CNGB1: variants seen among roughly 807,000 people sequenced by gnomAD.
CNGB1 encodes the protein cyclic nucleotide gated channel subunit beta 1.
CNGB1 carries 126 observed loss-of-function variants against 151.7 expected under a neutral mutation model. The ratio of observed to expected loss-of-function variants is 0.83; its 90% CI spans 0.72 to 0.96. The LOEUF (loss-of-function observed/expected upper bound fraction) is 0.96, where lower values mean the gene tolerates loss of function less well. Ranked by LOEUF, CNGB1 falls within the 40% of genes least tolerant of loss-of-function variation. The probability of loss-of-function intolerance (pLI) is 0.00; values close to 1 mark genes in which losing one functional copy is unlikely to be tolerated. For missense variants in CNGB1, 1,698 were observed against 1,627.0 expected (o/e 1.04, Z -0.75); for synonymous variants, 623 against 635.1 (o/e 0.98, Z 0.29).
chr16:57,908,623 C>A (rs377156214), intron 25 of CNGB1, among the ~76,000 whole-genome samples: 3 of 152,234 alleles, frequency 2.0e-5, no homozygotes, highest in Non-Finnish European at 4.4e-5. Flanking sequence ...GGTGAGGGAA[C>A]TGAGGCCCAG....
At chr16:57,946,398 C>T (rs16959572) in intron 14 of CNGB1, 14,098 of 152,448 alleles carry the variant, frequency 0.092, 716 homozygotes, top group South Asian at 0.11. Flanking sequence ...ATCTCTCGGT[C>T]GGGACCAGTC....
chr16:57,912,946 T>A lies in CNGB1; in HGVS notation c.2353A>T (p.Lys785Ter). 1 of 1,613,982 alleles carries A rather than the reference T, an allele frequency of 6.2e-7. No individual in the cohort carries two copies. Among genetic ancestry groups the A allele is most frequent in the Admixed American group, 1.7e-5 (1 of 60,020 alleles). ...FNSRLESILS[K>*]AYVYRVIRTT... is the part of the protein sequence containing the mutation. ...GAGTCTCACCTGTACACGTAGGCTT[T>A]GCTGAGGATGGATTCCAGGCGGCTG... The change falls in exon 24 of 33, where the codon AAA becomes TAA. Residue 785 changes from lysine (K) to a stop codon, truncating the protein, a stop_gained. Transcript: ENST00000251102. LOFTEE classifies it high-confidence loss of function.
chr16:57,929,470 A>G (rs1434209836), intron 17 of CNGB1, among the ~76,000 whole-genome samples: 2 of 118,586 alleles, frequency 1.7e-5, no homozygotes, highest in African/African-American at 8.0e-5. Flanking sequence ...AGGAAAAGAG[A>G]GAGAGGGAGA....
chr16:57,912,843 C>G, intron 24 of CNGB1, 87 bp downstream of exon 24: 1 of 1,314,994 alleles, frequency 7.6e-7, no homozygotes, highest in Non-Finnish European at 1.1e-6. Flanking sequence ...GTGTGTGTGT[C>G]ATCTGTGTTG....
rs1959782427 is a variant in CNGB1 at position 57,882,502 on chromosome 16, A to T, written c.*1662T>A. On this transcript the variant is annotated 3_prime_UTR_variant, in exon 33 of 33. Transcript: ENST00000251102. ...CTCCCACATTCTTTCATTTTTCCAC[A>T]GTGGAAATGAATGTTGTTTTTAGTG... 1 of 152,132 alleles carries T rather than the reference A, an allele frequency of 6.6e-6. No individual in the cohort carries two copies. The highest frequency in any genetic ancestry group is 1.5e-5 in the Non-Finnish European group (1 of 68,024). The allele number at this position is 152,132 out of a possible 1,614,324, so 9.4% of individuals were successfully genotyped here. A position where few individuals can be genotyped will look rare whatever the true frequency, so the allele number is the denominator to read the frequency against.
chr16:57,938,143 T>A (rs1230505867), intron 16 of CNGB1, among the ~76,000 whole-genome samples: 2 of 152,136 alleles, frequency 1.3e-5, no homozygotes, highest in African/African-American at 2.4e-5. Context: ...TGCCTCAGCA[T>A]TTCTCAGAGT....
intron 8 of CNGB1, 28 bp from the exon 9 acceptor site, chr16:57,960,558 T>C: frequency 7.4e-6 from 12 of 1,611,324 alleles, no homozygotes; most frequent in Non-Finnish European, 1.0e-5. Context: ...CGCAAGGTCA[T>C]GGGCCATAGC....
At chr16:57,962,434 G>C (rs1017889340) in intron 7 of CNGB1, 131 bp downstream of exon 7, 1 of 827,306 alleles carries the variant, frequency 1.2e-6, no homozygotes, top group East Asian at 2.4e-5. Flanking sequence ...CTGGAAACAG[G>C]CCCAGAAGAG....
rs772652402 is a variant in CNGB1, at chr16:57,917,345, G to A, written c.2089C>T (p.Leu697=). Residue 697 remains leucine (L), a synonymous_variant, in exon 21 of 33, where the codon CTA becomes TTA. Transcript: ENST00000251102. ...NIHHWLLMDY[L]CDLIYFLDIT... ...TCCAGGAAGTAGATGAGGTCGCATA[G>A]GTAATCCATCAGCAGCCAGTGGTGG... The A allele has an allele frequency of 2.5e-6, 4 of 1,614,116 alleles. No individual in the cohort carries two copies. The highest frequency in any genetic ancestry group is 2.2e-5 in the South Asian group (2 of 91,084).
intron 31 of CNGB1, among the ~76,000 whole-genome samples, chr16:57,891,820 G>A (rs1162397819): frequency 6.6e-6 from 1 of 152,136 alleles, no homozygotes; most frequent in Non-Finnish European, 1.5e-5. Flanking sequence ...GCCTCCCAAA[G>A]TGCTGGGATT....
intron 24 of CNGB1, 32 bp downstream of exon 24, chr16:57,912,898 G>C (rs1322871528): frequency 6.3e-7 from 1 of 1,597,236 alleles, no homozygotes; most frequent in African/African-American, 1.3e-5. Flanking sequence ...TCATGTGTGT[G>C]TGCATGCATG....
At chr16:57,910,673 CTT>C (rs56363726) in intron 25 of CNGB1, among the ~76,000 whole-genome samples, 1,162 of 104,286 alleles carry the variant, frequency 0.011, 18 homozygotes, top group African/African-American at 0.043. Context: ...CAAGCCCGGC[CTT>C]TTTTTTTTTT....
Position 57,958,449 on chromosome 16 carries a change from G to A in CNGB1, c.798C>T (p.Ala266=), listed in dbSNP as rs1324650343. Residue 266 remains alanine (A), a synonymous_variant, in exon 11 of 33, where the codon GCC becomes GCT. Transcript: ENST00000251102. The part of the protein sequence containing the change: ...VAWVLHRLEM[A]LPQPVLHGKI... ...TCCCATGTAGCACTGGCTGCGGCAA[G>A]GCCATCTCCAGCCTGTGCAGGACCC... The A allele has an allele frequency of 3.1e-6, 5 of 1,614,192 alleles. No homozygotes were observed. Among genetic ancestry groups the A allele is most frequent in the Non-Finnish European group, 3.4e-6 (4 of 1,180,028 alleles).
At chr16:57,944,738 TGAG>T (rs1262425571) in intron 14 of CNGB1, among the ~76,000 whole-genome samples, 1 of 151,816 alleles carries the variant, frequency 6.6e-6, no homozygotes, top group East Asian at 1.9e-4. Flanking sequence ...GCGGATCACT[TGAG>T]GTCAGAAGTT....
At chr16:57,933,074 G>A (rs1270315735) in intron 16 of CNGB1, among the ~76,000 whole-genome samples, 7 of 152,088 alleles carry the variant, frequency 4.6e-5, no homozygotes, top group African/African-American at 1.7e-4. Context: ...GACCACAGAC[G>A]CACACCACCA....
chr16:57,968,053 T>C (rs922517143), intron 1 of CNGB1, among the ~76,000 whole-genome samples: 1 of 152,244 alleles, frequency 6.6e-6, no homozygotes, highest in Non-Finnish European at 1.5e-5. Flanking sequence ...AGCAGTCTAA[T>C]TGAGCTAGCA....
At chr16:57,951,992 A>C (rs907800960) in intron 12 of CNGB1, among the ~76,000 whole-genome samples, 4 of 152,146 alleles carry the variant, frequency 2.6e-5, no homozygotes, top group Non-Finnish European at 5.9e-5. Context: ...TTGGCCAGGG[A>C]GGCTCCTCCA....
At chr16:57,934,491 T>C (rs1961450114) in intron 16 of CNGB1, among the ~76,000 whole-genome samples, 1 of 152,184 alleles carries the variant, frequency 6.6e-6, no homozygotes, top group Non-Finnish European at 1.5e-5. Context: ...CAGCTTCTCA[T>C]TACCTTGTCT....
rs149492378 is a variant in CNGB1, at chr16:57,949,314, C to T, written c.1121+39G>A. The T allele has an allele frequency of 1.7e-4, 277 of 1,603,422 alleles. 2 individuals carry two copies. The African/African-American group carries it at 3.0e-3, about 18-fold the overall frequency. ...ACCCCAGGAGCTCAGCCAACCCCAG[C>T]CCCAGGGCCGTTCCCAGACAGGTGA... On this transcript the variant is annotated intron_variant, in intron 14 of 32. Transcript: ENST00000251102.
Sources: gnomAD v4.1 joint callset for allele counts (sites outside exome capture counted in the v4.1 genomes callset) on GRCh38, gnomAD v4.1.1 for gene constraint, MANE v1.5 for transcripts, NCBI Gene and HGNC (gene_info 2026-07-23, HGNC 2026-07-21) for gene names.